Variants in ROBO2 observed in about 807,000 individuals in gnomAD.
ROBO2 encodes the protein roundabout homolog 2.
Under a neutral mutation model 160.8 loss-of-function variants are expected in ROBO2, and 53 were observed. The observed-to-expected ratio is 0.33, with a 90% confidence interval of 0.26 to 0.41. The LOEUF (loss-of-function observed/expected upper bound fraction) is 0.41, where lower values mean the gene tolerates loss of function less well. Ranked by LOEUF, ROBO2 falls within the 10% of genes least tolerant of loss-of-function variation. The probability of loss-of-function intolerance (pLI) is 1.00; values close to 1 mark genes in which losing one functional copy is unlikely to be tolerated. For synonymous variants in ROBO2, 664 were observed against 611.7 expected (o/e 1.09, Z -1.26); for missense variants, 1,577 against 1,722.4 (o/e 0.92, Z 1.49).
chr3:76,270,592 G>C (rs1238924859), intron 2 of ROBO2, among the ~76,000 whole-genome samples: 1 of 151,896 alleles, frequency 6.6e-6, no homozygotes, highest in Non-Finnish European at 1.5e-5. Flanking sequence ...GCTTAGATTC[G>C]TGTTTGATTC....
At chr3:77,490,847 T>A (rs2086015831) in intron 4 of ROBO2, among the ~76,000 whole-genome samples, 1 of 152,218 alleles carries the variant, frequency 6.6e-6, no homozygotes, top group African/African-American at 2.4e-5. Context: ...TGTCCCCTTT[T>A]CGACATCCTA....
At chr3:76,066,043 G>A (rs867378588) in intron 2 of ROBO2, among the ~76,000 whole-genome samples, 2 of 151,570 alleles carry the variant, frequency 1.3e-5, no homozygotes, top group East Asian at 3.9e-4. Flanking sequence ...TCCATCTAAG[G>A]TTACAACAGC....
At chr3:76,899,305 A>G (rs1480652777) in intron 2 of ROBO2, among the ~76,000 whole-genome samples, 1 of 152,160 alleles carries the variant, frequency 6.6e-6, no homozygotes, top group Non-Finnish European at 1.5e-5. Context: ...TCCACTTCGT[A>G]TGTCAAAAAC....
intron 2 of ROBO2, among the ~76,000 whole-genome samples, chr3:76,586,055 G>C (rs994134973): frequency 6.6e-6 from 1 of 152,162 alleles, no homozygotes; most frequent in African/African-American, 2.4e-5. Context: ...CAGTGAATTA[G>C]AGGTATCTTG....
At chr3:76,254,790 G>A (rs145927174) in intron 2 of ROBO2, among the ~76,000 whole-genome samples, 1,526 of 151,942 alleles carry the variant, frequency 0.01, 19 homozygotes, top group Admixed American at 0.03. Flanking sequence ...AATAAGATCC[G>A]TGGACTGTTT....
At chr3:77,104,274 A>G (rs1295490949) in intron 2 of ROBO2, among the ~76,000 whole-genome samples, 2 of 152,010 alleles carry the variant, frequency 1.3e-5, no homozygotes, top group Non-Finnish European at 2.9e-5. Context: ...ATAGCTATAC[A>G]TTTTCCTATT....
At chr3:76,006,409 A>G (rs1187093230) in intron 2 of ROBO2, among the ~76,000 whole-genome samples, 2 of 152,134 alleles carry the variant, frequency 1.3e-5, no homozygotes, top group Non-Finnish European at 2.9e-5. Flanking sequence ...CACTTTGAAC[A>G]TGGAAATAAT....
At chr3:76,698,411 T>C (rs2092977665) in intron 2 of ROBO2, among the ~76,000 whole-genome samples, 1 of 152,110 alleles carries the variant, frequency 6.6e-6, no homozygotes. Flanking sequence ...AGCTGGTCTC[T>C]GGAAGGGGGT....
chr3:76,591,706 T>G (rs1282370001), intron 2 of ROBO2, among the ~76,000 whole-genome samples: 1 of 152,128 alleles, frequency 6.6e-6, no homozygotes, highest in Non-Finnish European at 1.5e-5. Flanking sequence ...TTTGTCAGCA[T>G]ATACCAGGCA....
chr3:75,912,744 T>G (rs1946655168), intron 1 of ROBO2, among the ~76,000 whole-genome samples: 1 of 152,168 alleles, frequency 6.6e-6, no homozygotes, highest in Admixed American at 6.5e-5. Context: ...ATCATATTGA[T>G]TGGATGATAG....
In ROBO2 at chr3:76,249,345, G is replaced by A. The variant is rs375326386; in HGVS notation, c.109+311743G>A. 2.0e-5 allele frequency among the ~76,000 whole-genome samples: 3 copies of A among 152,030 alleles called. No homozygotes were observed. The South Asian group carries it at 6.2e-4, about 32-fold the overall frequency. The stretch of plus-strand genomic sequence containing the variant: ...GATTCTCAAGGCAGGCAACTGATTG[G>A]GAAGTTTATAATATAACAATCCAGG... On this transcript the variant is annotated intron_variant, in intron 2 of 26. Coordinates refer to the ROBO2 transcript ENST00000487694.
intron 2 of ROBO2, among the ~76,000 whole-genome samples, chr3:77,205,360 C>T (rs1028903925): frequency 6.6e-6 from 1 of 151,936 alleles, no homozygotes. Flanking sequence ...TCTCTGAGCA[C>T]CCCCAGCAGA....
rs1400053392 is a variant in ROBO2 at position 77,416,267 on chromosome 3, G to A, written c.389-61147G>A. 6.6e-5 allele frequency among the ~76,000 whole-genome samples: 10 copies of A among 152,286 alleles called. No individual in the cohort carries two copies. In the East Asian group the frequency reaches 1.7e-3, roughly 27 times the overall value. On this transcript the variant is annotated intron_variant, in intron 2 of 25. Transcript: ENST00000461745. ...GTGCATGCTGATTGGTCCATGGTGG[G>A]CCTGGAGAATGCACCATTTAATTGG...
At chr3:76,068,170 G>A (rs2107937630) in intron 2 of ROBO2, among the ~76,000 whole-genome samples, 1 of 152,278 alleles carries the variant, frequency 6.6e-6, no homozygotes, top group African/African-American at 2.4e-5. Context: ...TAAGAGTACA[G>A]ACTTTGCAGG....
intron 2 of ROBO2, among the ~76,000 whole-genome samples, chr3:77,244,546 C>T (rs62249672): frequency 0.023 from 3,458 of 152,172 alleles, 51 homozygotes; most frequent in Middle Eastern, 0.054. Context: ...TTTTCGTTTC[C>T]TACCCTTAGT....
At chr3:76,089,259 TA>T (rs1418558939) in intron 2 of ROBO2, among the ~76,000 whole-genome samples, 1 of 152,004 alleles carries the variant, frequency 6.6e-6, no homozygotes, top group Non-Finnish European at 1.5e-5. Flanking sequence ...CATACATTTA[TA>T]AAATAAATTA....
rs141118162 is a variant in ROBO2, at chr3:76,005,088, C to T, written c.109+67486C>T. On this transcript the variant is annotated intron_variant, in intron 2 of 26. Coordinates refer to the ROBO2 transcript ENST00000487694. ...TGAGATGGCACAGAAAGAAGGTCCT[C>T]ACCAGACGCTTGCCTTTGCATCTTG... 1.4e-4 allele frequency among the ~76,000 whole-genome samples: 22 copies of T among 152,332 alleles called. No individual in the cohort carries two copies. The East Asian group carries it at 3.3e-3, about 23-fold the overall frequency.
intron 2 of ROBO2, among the ~76,000 whole-genome samples, chr3:76,414,048 A>T (rs9829627): frequency 1.3e-5 from 2 of 150,656 alleles, no homozygotes; most frequent in Admixed American, 6.7e-5. Flanking sequence ...ATGAGGAAGA[A>T]GCAAAAGCAG....
At chr3:77,400,222 T>A (rs2153510054) in intron 2 of ROBO2, among the ~76,000 whole-genome samples, 1 of 152,274 alleles carries the variant, frequency 6.6e-6, no homozygotes, top group South Asian at 2.1e-4. Context: ...TTAAAAATGA[T>A]AGGGTTAGCT....
Sources: allele counts gnomAD v4.1 joint callset (sites outside exome capture counted in the v4.1 genomes callset), GRCh38; gene constraint gnomAD v4.1.1; transcripts MANE v1.5; gene names NCBI Gene and HGNC (gene_info 2026-07-23, HGNC 2026-07-21).